HNF1B: variants seen among roughly 807,000 people sequenced by gnomAD.
HNF1B encodes the protein hepatocyte nuclear factor 1-beta.
In HNF1B, 8 loss-of-function variants were observed where a neutral mutation model predicts 61.7. The ratio of observed to expected loss-of-function variants is 0.13; its 90% confidence interval spans 0.08 to 0.23. HNF1B has a LOEUF of 0.23. Among genes scored for constraint, HNF1B ranks in the 10% least tolerant of loss-of-function variants. The probability of loss-of-function intolerance (pLI) is 1.00; values close to 1 mark genes in which losing one functional copy is unlikely to be tolerated. For missense variants in HNF1B, 562 were observed against 714.5 expected, an observed-to-expected ratio of 0.79 and a Z score of 2.43; for synonymous variants, 314 against 287.7, an observed-to-expected ratio of 1.09 and a Z score of -0.93.
In HNF1B at chr17:37,737,841, T is replaced by TTAAA. The variant is rs554122367; in HGVS notation, c.544+1595_544+1598dup. Among the ~76,000 whole-genome samples the TTAAA allele has an allele frequency of 2.7e-3, 414 of 151,868 alleles. 2 individuals carry two copies. The highest frequency in any genetic ancestry group is 0.014 in the South Asian group (69 of 4,794). On this transcript the variant is annotated intron_variant, in intron 2 of 8. Transcript: ENST00000617811. ...CAGAGCGAGACCCCGTCTCAAAAAG[T>TTAAA]TAAATAAATAAATAAATAAATAAAA... is the stretch of plus-strand genomic sequence containing the variant.
chr17:37,738,658 G>A (rs1482214659), intron 2 of HNF1B, among the ~76,000 whole-genome samples: 1 of 152,230 alleles, frequency 6.6e-6, no homozygotes, highest in African/African-American at 2.4e-5. Context: ...TTCATAGGCA[G>A]TTCAAACTTC....
chr17:37,694,257 G>C (rs2032300075), intron 8 of HNF1B, among the ~76,000 whole-genome samples: 1 of 151,900 alleles, frequency 6.6e-6, no homozygotes, highest in African/African-American at 2.4e-5. Flanking sequence ...GTGAATCCCT[G>C]TTTCTACTAA....
At chr17:37,735,730 G>A (rs941863001) in intron 2 of HNF1B, among the ~76,000 whole-genome samples, 1 of 152,148 alleles carries the variant, frequency 6.6e-6, no homozygotes, top group Non-Finnish European at 1.5e-5. Context: ...CAGGATGATA[G>A]TGATGTTGGC....
intron 4 of HNF1B, among the ~76,000 whole-genome samples, chr17:37,720,234 G>A (rs578092076): frequency 4.6e-5 from 7 of 152,254 alleles, no homozygotes; most frequent in African/African-American, 1.4e-4. Context: ...AAGAGGAGAC[G>A]TTCTTGCTCT....
intron 4 of HNF1B, among the ~76,000 whole-genome samples, chr17:37,726,841 C>T (rs1480377902): frequency 6.6e-6 from 1 of 152,200 alleles, no homozygotes; most frequent in African/African-American, 2.4e-5. Flanking sequence ...AGGGCCTCTT[C>T]TCTTTTTCTT....
At chr17:37,739,368 CTG>C in intron 2 of HNF1B, 70 bp downstream of exon 2, 1 of 1,413,430 alleles carries the variant, frequency 7.1e-7, no homozygotes, top group South Asian at 1.2e-5. Context: ...GAAAGGGAAA[CTG>C]AGGCAGCCAA....
At chr17:37,714,923 A>G (rs531290750) in intron 4 of HNF1B, among the ~76,000 whole-genome samples, 1 of 152,182 alleles carries the variant, frequency 6.6e-6, no homozygotes, top group Admixed American at 6.5e-5. Flanking sequence ...ACTGCTTTCC[A>G]GAAAAGCCCC....
At chr17:37,687,606 CAGA>C (rs539850587) in intron 8 of HNF1B, among the ~76,000 whole-genome samples, 227 of 152,318 alleles carry the variant, frequency 1.5e-3, no homozygotes, top group African/African-American at 5.3e-3. Context: ...CTGGCCACTT[CAGA>C]AGAAAGAAGT....
At chr17:37,698,985 G>T in intron 8 of HNF1B, 91 bp downstream of exon 8, 1 of 958,294 alleles carries the variant, frequency 1.0e-6, no homozygotes, top group Non-Finnish European at 1.7e-6. Context: ...CTAATTTCTG[G>T]CCGAGTCCAT....
At chr17:37,687,497 A>G in intron 8 of HNF1B, 105 bp from the exon 9 acceptor site, 1 of 876,902 alleles carries the variant, frequency 1.1e-6, no homozygotes, top group Non-Finnish European at 1.9e-6. Flanking sequence ...CAACCAGCAA[A>G]GAGCAGCAGG....
intron 4 of HNF1B, among the ~76,000 whole-genome samples, chr17:37,717,915 A>G (rs1598824437): frequency 6.6e-6 from 1 of 152,346 alleles, no homozygotes; most frequent in South Asian, 2.1e-4. Context: ...GCAAATGTGG[A>G]AGAAAAAGCT....
At chr17:37,740,516 C>A (rs1486554753) in intron 1 of HNF1B, among the ~76,000 whole-genome samples, 3 of 151,990 alleles carry the variant, frequency 2.0e-5, no homozygotes, top group African/African-American at 7.3e-5. Context: ...TTCTAAGAAG[C>A]AAGGAGGATG....
chr17:37,718,890 TG>T (rs1488054521), intron 4 of HNF1B, among the ~76,000 whole-genome samples: 1 of 152,146 alleles, frequency 6.6e-6, no homozygotes, highest in African/African-American at 2.4e-5. Flanking sequence ...TTGAGTTGAG[TG>T]GTGGTGAAGT....
chr17:37,742,694 G>A (rs926752072), intron 1 of HNF1B, among the ~76,000 whole-genome samples: 4 of 151,946 alleles, frequency 2.6e-5, no homozygotes, highest in Non-Finnish European at 4.4e-5. Flanking sequence ...GGGGCTTTGG[G>A]GAGGGAAGAG....
At chr17:37,726,992 T>A (rs540970856) in intron 4 of HNF1B, among the ~76,000 whole-genome samples, 1 of 152,032 alleles carries the variant, frequency 6.6e-6, no homozygotes, top group Non-Finnish European at 1.5e-5. Flanking sequence ...AGTGGCCAGG[T>A]GAGCTTGCTG....
chr17:37,731,245 C>T (rs920853481), intron 4 of HNF1B: 8 of 438,056 alleles, frequency 1.8e-5, no homozygotes, highest in Non-Finnish European at 3.4e-5. Flanking sequence ...CATCACGACC[C>T]GTTTGCCTGC....
At chr17:37,704,323 C>A (rs919590254) in intron 6 of HNF1B, among the ~76,000 whole-genome samples, 2 of 152,200 alleles carry the variant, frequency 1.3e-5, no homozygotes, top group Non-Finnish European at 2.9e-5. Context: ...CAAGCTTTTT[C>A]TCCTTAAAGT....
intron 1 of HNF1B, among the ~76,000 whole-genome samples, chr17:37,741,283 T>C (rs893250418): frequency 6.6e-6 from 1 of 152,184 alleles, no homozygotes. Flanking sequence ...AGCATTTGGG[T>C]AGTTGTGATT....
intron 5 of HNF1B, among the ~76,000 whole-genome samples, chr17:37,708,492 TAGA>T (rs2032825259): frequency 6.6e-6 from 1 of 152,132 alleles, no homozygotes; most frequent in South Asian, 2.1e-4. Flanking sequence ...GCTTGCCTCT[TAGA>T]AGGAGGAGAG....
Sources: allele counts gnomAD v4.1 joint callset (sites outside exome capture counted in the v4.1 genomes callset), GRCh38; gene constraint gnomAD v4.1.1; transcripts MANE v1.5; gene names NCBI Gene and HGNC (gene_info 2026-07-23, HGNC 2026-07-21).